MTMR14: variants seen among roughly 807,000 people sequenced by gnomAD.
MTMR14 encodes phosphatidylinositol-3,5-bisphosphate 3-phosphatase MTMR14.
Under a neutral mutation model 86.3 loss-of-function variants are expected in MTMR14, and 48 were observed. The observed-to-expected ratio is 0.56, with a 90% confidence interval of 0.44 to 0.71. The LOEUF is 0.71. MTMR14 is among the 30% of genes least tolerant of loss of function. The pLI, the probability that MTMR14 is intolerant of heterozygous loss-of-function variation, is 0.00. For synonymous variants in MTMR14, 366 were observed against 326.1 expected (o/e 1.12, Z -1.32); for missense variants, 780 against 834.6 (o/e 0.93, Z 0.81).
intron 17 of MTMR14, 123 bp from the exon 18 acceptor site, chr3:9,697,588 G>A: frequency 9.0e-7 from 1 of 1,113,870 alleles, no homozygotes; most frequent in Non-Finnish European, 1.3e-6. Flanking sequence ...TAGACTTTTG[G>A]AGACAGTGAT....
In MTMR14 at chr3:9,677,914, C is replaced by A; in HGVS notation, c.823-70C>A. 1.4e-6 allele frequency: 2 copies of A among 1,438,500 alleles called. No individual in the cohort carries two copies. Among genetic ancestry groups the A allele is most frequent in the South Asian group, 1.2e-5 (1 of 82,698 alleles). 89.1% of individuals were successfully genotyped at this position (1,438,500 alleles called of 1,614,324 possible). A position where few individuals can be genotyped will look rare whatever the true frequency, so the allele number is the denominator to read the frequency against. On this transcript the variant is annotated intron_variant, in intron 8 of 18. Transcript: ENST00000296003. The surrounding 1 kb of genome is among the most constrained non-coding windows in gnomAD (Gnocchi z 4.2). ...TGTGGTAGTCACAGCCTCAGGACTGCAAGCTTCCCCATCACCTAAGCCTCC... is the reference window on the plus strand; with the variant it reads ...TGTGGTAGTCACAGCCTCAGGACTGAAAGCTTCCCCATCACCTAAGCCTCC...
rs771745424 is a variant in MTMR14 at position 9,685,273 on chromosome 3, G to A, written c.1164+26G>A. Reference sequence around the variant, plus strand: ...GTGAGTATACCACCTACGACTTGTGGGCACAGCTCAGCACTGAAAGAGGGG... The same window carrying A: ...GTGAGTATACCACCTACGACTTGTGAGCACAGCTCAGCACTGAAAGAGGGG... On this transcript the variant is annotated intron_variant, in intron 13 of 18. Transcript: ENST00000296003. 8.1e-6 allele frequency: 13 copies of A among 1,613,738 alleles called. No homozygotes were observed. The African/African-American group carries it at 1.6e-4, about 20-fold the overall frequency.
intron 3 of MTMR14, among the ~76,000 whole-genome samples, chr3:9,666,133 G>GT (rs1241278468): frequency 0.041 from 4,763 of 117,268 alleles, 270 homozygotes; most frequent in African/African-American, 0.12. Context: ...AAGTTTGTTG[G>GT]TTTTTTTTTT....
rs1051867383 is a variant in MTMR14, at chr3:9,701,437, G to A, written c.1770-353G>A. On this transcript the variant is annotated intron_variant, in intron 18 of 18. Coordinates refer to ENST00000296003, the MANE Select transcript of MTMR14 (RefSeq NM_001077525.3). This position sits in a 1 kb window ranked among gnomAD's most constrained non-coding sequence, Gnocchi z 4.2. ...TGTAGTCCCAGCTACTTGAGGGGCT[G>A]AGGTGGGAGGATGGCTTGAGGCTAC... 15 of 339,584 alleles carry A rather than the reference G, an allele frequency of 4.4e-5. No individual in the cohort carries two copies. The East Asian group carries it at 6.5e-4, about 15-fold the overall frequency. The allele number at this position is 339,584 out of a possible 1,614,324, so 21.0% of individuals were successfully genotyped here.
chr3:9,702,208 T>A lies in MTMR14; in HGVS notation c.*235T>A. 2 of 584,268 alleles carry A rather than the reference T, an allele frequency of 3.4e-6. No homozygotes were observed. 36.2% of individuals were successfully genotyped at this position (584,268 alleles called of 1,614,324 possible). On this transcript the variant is annotated 3_prime_UTR_variant, in exon 19 of 19. Transcript: ENST00000296003. ...TTGTCACTGTCTCCCACCCACCCCA[T>A]CTTTGCTGGGATTCCCATCAACTCT...
intron 9 of MTMR14, among the ~76,000 whole-genome samples, chr3:9,680,435 G>A (rs2075723194): frequency 6.6e-6 from 1 of 152,188 alleles, no homozygotes; most frequent in South Asian, 2.1e-4. Context: ...TGTCACCCCT[G>A]CCTTAAAACC....
intron 18 of MTMR14, among the ~76,000 whole-genome samples, chr3:9,698,326 C>T (rs1028350926): frequency 6.6e-6 from 1 of 152,240 alleles, no homozygotes; most frequent in African/African-American, 2.4e-5. Context: ...CTGTTTTTGC[C>T]TCTGGGCAGG....
At chr3:9,669,305 C>G in intron 4 of MTMR14, 127 bp from the exon 5 acceptor site, 1 of 809,836 alleles carries the variant, frequency 1.2e-6, no homozygotes, top group South Asian at 1.7e-5. Context: ...CATACTGTGT[C>G]CTTAGGAGTA....
At chr3:9,655,244 G>A (rs368308128) in intron 2 of MTMR14, among the ~76,000 whole-genome samples, 3 of 151,918 alleles carry the variant, frequency 2.0e-5, no homozygotes, top group African/African-American at 7.2e-5. Context: ...GTGGGCTCCT[G>A]TAATCCCAGC....
At chr3:9,655,899 G>A (rs1274094635) in intron 2 of MTMR14, among the ~76,000 whole-genome samples, 1 of 151,998 alleles carries the variant, frequency 6.6e-6, no homozygotes, top group Non-Finnish European at 1.5e-5. Flanking sequence ...GTAAAGTGGG[G>A]ATGTCTATAA....
At chr3:9,681,584 A>G (rs2075770050) in intron 9 of MTMR14, among the ~76,000 whole-genome samples, 2 of 152,364 alleles carry the variant, frequency 1.3e-5, no homozygotes, top group South Asian at 4.1e-4. Flanking sequence ...TACTCTAGGC[A>G]TAGAAACATA....
At chr3:9,675,130 A>G (rs138861867) in intron 7 of MTMR14, among the ~76,000 whole-genome samples, 221 of 152,308 alleles carry the variant, frequency 1.5e-3, no homozygotes, top group Non-Finnish European at 2.4e-3. Context: ...AATAAAAACA[A>G]AAACAAATAA....
chr3:9,697,689 C>T (rs746226979), intron 17 of MTMR14, 22 bp from the exon 18 acceptor site: 1 of 1,611,306 alleles, frequency 6.2e-7, no homozygotes. Context: ...ATCCTCTCCC[C>T]TCTCTCTCCT....
chr3:9,664,770 A>G (rs777904761), intron 3 of MTMR14, among the ~76,000 whole-genome samples: 14 of 152,214 alleles, frequency 9.2e-5, no homozygotes, highest in Admixed American at 6.5e-5. Context: ...TCTGACAGGA[A>G]CAAGGGGGAG....
At chr3:9,653,954 G>T (rs950712258) in intron 2 of MTMR14, 185 bp downstream of exon 2, 91 of 738,198 alleles carry the variant, frequency 1.2e-4, no homozygotes, top group Non-Finnish European at 1.9e-4. Context: ...TAGAATGAGG[G>T]GTTGGGAGTA....
At chr3:9,673,823 A>G (rs1037319322) in intron 7 of MTMR14, among the ~76,000 whole-genome samples, 1 of 144,518 alleles carries the variant, frequency 6.9e-6, no homozygotes. Flanking sequence ...ACCCCTCCAT[A>G]ACAGGTGTCC....
At chr3:9,664,205 G>A (rs988940043) in intron 3 of MTMR14, among the ~76,000 whole-genome samples, 3 of 150,786 alleles carry the variant, frequency 2.0e-5, no homozygotes, top group South Asian at 2.1e-4. Context: ...ACATGCTTGC[G>A]AAAAGCATTA....
intron 17 of MTMR14, among the ~76,000 whole-genome samples, chr3:9,693,936 C>G (rs537590231): frequency 6.6e-6 from 1 of 152,300 alleles, no homozygotes; most frequent in African/African-American, 2.4e-5. Flanking sequence ...GCTCTATTTC[C>G]CCGTAGTTTG....
chr3:9,660,706 G>A (rs2047881634), intron 2 of MTMR14, among the ~76,000 whole-genome samples: 1 of 152,364 alleles, frequency 6.6e-6, no homozygotes, highest in Non-Finnish European at 1.5e-5. Flanking sequence ...TTGGGTGCAT[G>A]TGTACAAGAG....
Sources: allele counts gnomAD v4.1 joint callset (sites outside exome capture counted in the v4.1 genomes callset), GRCh38; gene constraint gnomAD v4.1.1; non-coding constraint Gnocchi (gnomAD v3.1); transcripts MANE v1.5; gene names NCBI Gene and HGNC (gene_info 2026-07-23, HGNC 2026-07-21).